Variants in KLHL4 observed in about 807,000 individuals in gnomAD.
KLHL4 encodes the protein kelch-like protein 4.
A neutral mutation model predicts 45.8 loss-of-function variants in KLHL4; 17 were observed. The ratio of observed to expected loss-of-function variants is 0.37; its 90% CI spans 0.25 to 0.56. The LOEUF is 0.56. Among genes scored for constraint, KLHL4 ranks in the 20% least tolerant of loss-of-function variants. The probability of loss-of-function intolerance (pLI) is 0.79; values close to 1 mark genes in which losing one functional copy is unlikely to be tolerated. For synonymous variants in KLHL4, 224 were observed against 189.9 expected, an observed-to-expected ratio of 1.18 and a Z score of -1.47; for missense variants, 544 against 544.9, an observed-to-expected ratio of 1.00 and a Z score of 0.02.
chrX:87,633,113 G>A (rs957397380), intron 7 of KLHL4, among the ~76,000 whole-genome samples: 1 of 111,261 alleles, frequency 9.0e-6, no homozygotes, highest in Admixed American at 9.6e-5. Flanking sequence ...CAATATAATT[G>A]ATATTAGCAA....
At chrX:87,628,983 T>C (rs1923020043) in intron 6 of KLHL4, among the ~76,000 whole-genome samples, 1 of 112,253 alleles carries the variant, frequency 8.9e-6, no homozygotes, top group African/African-American at 3.2e-5. Context: ...TTTGTAAATT[T>C]GTATTTGTTT....
chrX:87,604,472 G>A (rs1268507017), intron 1 of KLHL4, among the ~76,000 whole-genome samples: 1 of 108,957 alleles, frequency 9.2e-6, no homozygotes, highest in Non-Finnish European at 1.9e-5. Flanking sequence ...TATTCCAGCT[G>A]GCGTGAGATA....
intron 1 of KLHL4, among the ~76,000 whole-genome samples, chrX:87,557,281 T>C (rs1269030760): frequency 8.9e-6 from 1 of 112,023 alleles, no homozygotes; most frequent in African/African-American, 3.2e-5. Context: ...GAAATTGTTT[T>C]GCTGCTATGG....
chrX:87,621,962 C>A (rs1922766164), intron 4 of KLHL4, among the ~76,000 whole-genome samples: 1 of 111,700 alleles, frequency 9.0e-6, no homozygotes, highest in African/African-American at 3.3e-5. Flanking sequence ...CCTATGTGGG[C>A]TGTGAAGCAG....
intron 1 of KLHL4, among the ~76,000 whole-genome samples, chrX:87,528,876 T>C (rs1423556188): frequency 1.8e-5 from 2 of 109,761 alleles, no homozygotes; most frequent in South Asian, 7.8e-4. Context: ...TCAACCCAAA[T>C]ATATCCCCTC....
Position 87,661,243 on chromosome X carries a change from C to T in KLHL4, c.1926-3521C>T, listed in dbSNP as rs184214147. Among the ~76,000 whole-genome samples the T allele has an allele frequency of 4.4e-3, 492 of 111,518 alleles. 1 individual carries two copies. Among genetic ancestry groups the T allele is most frequent in the African/African-American group, 0.015 (472 of 30,752 alleles). On this transcript the variant is annotated intron_variant, in intron 9 of 10. Coordinates refer to ENST00000373119, the MANE Select transcript of KLHL4 (RefSeq NM_019117.5). ...GCGGTTTGGAAGCTTGTTGTTGGGG[C>T]TTCGTGGTAAAACTTACGTTGCATT...
chrX:87,651,193 T>C (rs1221456611), intron 9 of KLHL4, among the ~76,000 whole-genome samples: 5 of 111,501 alleles, frequency 4.5e-5, no homozygotes, highest in Non-Finnish European at 9.4e-5. Flanking sequence ...AAGGCCCCCA[T>C]GATTCAATTA....
intron 9 of KLHL4, among the ~76,000 whole-genome samples, chrX:87,656,411 G>C (rs1395706866): frequency 9.2e-6 from 1 of 108,766 alleles, no homozygotes. Context: ...TGTCTGACTG[G>C]ATAAATTAAA....
At chrX:87,594,041 A>C (rs778334968) in intron 1 of KLHL4, among the ~76,000 whole-genome samples, 1 of 111,537 alleles carries the variant, frequency 9.0e-6, no homozygotes, top group African/African-American at 3.3e-5. Flanking sequence ...TAATTCTCTG[A>C]CACCAAAAGA....
rs1922906167 is a variant in KLHL4, at chrX:87,625,790, A to C, written c.1318A>C (p.Met440Leu). 8.4e-7 allele frequency: 1 copy of C among 1,191,419 alleles called. No individual in the cohort carries two copies. The highest frequency in any genetic ancestry group is 1.1e-6 in the Non-Finnish European group (1 of 883,965). The change falls in exon 6 of 11, where the codon ATG becomes CTG. Residue 440 changes from methionine (M) to leucine (L), a missense_variant. Physicochemically the swap from Met to Leu is conservative, Grantham distance 15. Coordinates refer to ENST00000373119, the MANE Select transcript of KLHL4 (RefSeq NM_019117.5). ...ALYAVGGMDA[M>L]KGTTTIEKYD... ...TTATGCTGTAGGAGGCATGGATGCT[A>C]TGAAAGGTAAAAATAACTTAGAGTG...
chrX:87,659,487 T>C (rs1184928357), intron 9 of KLHL4, among the ~76,000 whole-genome samples: 1 of 111,726 alleles, frequency 9.0e-6, no homozygotes, highest in Non-Finnish European at 1.9e-5. Flanking sequence ...AGTTCACTTA[T>C]TCTTACTTCT....
chrX:87,570,363 A>T (rs1234731911), intron 1 of KLHL4, among the ~76,000 whole-genome samples: 4 of 111,101 alleles, frequency 3.6e-5, no homozygotes, highest in African/African-American at 1.3e-4. Flanking sequence ...TAAGTAGGGT[A>T]GCTCAATGAG....
At chrX:87,599,104 A>T (rs939167462) in intron 1 of KLHL4, among the ~76,000 whole-genome samples, 4 of 110,232 alleles carry the variant, frequency 3.6e-5, no homozygotes, top group African/African-American at 1.3e-4. Context: ...ATAATAATAT[A>T]GCAACATTCT....
In KLHL4 at chrX:87,605,008, C is replaced by G. The variant is rs557810262; in HGVS notation, c.423-8869C>G. ...GCTGGATATCCAATTTTCCCAACAC[C>G]ATTTATTGAAGAAATTTTTCCCAGT... On this transcript the variant is annotated intron_variant, in intron 1 of 10. Transcript: ENST00000373119. 8.0e-4 allele frequency among the ~76,000 whole-genome samples: 89 copies of G among 111,298 alleles called. No individual in the cohort carries two copies. In the South Asian group the frequency reaches 0.033, roughly 42 times the overall value.
chrX:87,646,413 C>A (rs1156528411), intron 9 of KLHL4, among the ~76,000 whole-genome samples: 1 of 111,153 alleles, frequency 9.0e-6, no homozygotes, highest in African/African-American at 3.3e-5. Flanking sequence ...TCCTATGAAA[C>A]CAAAAAAGAG....
At chrX:87,657,317 G>T (rs1924025005) in intron 9 of KLHL4, among the ~76,000 whole-genome samples, 1 of 112,321 alleles carries the variant, frequency 8.9e-6, no homozygotes, top group South Asian at 3.7e-4. Flanking sequence ...CATGAAGAGG[G>T]TGAAGTTGGG....
intron 9 of KLHL4, among the ~76,000 whole-genome samples, chrX:87,651,405 A>G (rs1308185220): frequency 8.9e-6 from 1 of 112,159 alleles, no homozygotes; most frequent in Non-Finnish European, 1.9e-5. Context: ...TCAAAAGTCC[A>G]CAGTTCAAAG....
At chrX:87,592,899 T>C (rs1026174758) in intron 1 of KLHL4, among the ~76,000 whole-genome samples, 1 of 111,959 alleles carries the variant, frequency 8.9e-6, no homozygotes, top group Admixed American at 9.5e-5. Flanking sequence ...TCATTTGCTG[T>C]GCAAGAGCCT....
intron 1 of KLHL4, among the ~76,000 whole-genome samples, chrX:87,519,827 A>C (rs1346646218): frequency 8.9e-6 from 1 of 112,321 alleles, no homozygotes; most frequent in East Asian, 2.8e-4. Flanking sequence ...TTAAATTACC[A>C]ACTGTAACTT....
Sources: gnomAD v4.1 joint callset for allele counts (sites outside exome capture counted in the v4.1 genomes callset) on GRCh38, gnomAD v4.1.1 for gene constraint, MANE v1.5 for transcripts, NCBI Gene and HGNC (gene_info 2026-07-23, HGNC 2026-07-21) for gene names.